PDZD2: variants seen among roughly 807,000 people sequenced by gnomAD.
The protein encoded by PDZD2 is PDZ domain-containing protein 2.
Under a neutral mutation model 220.7 loss-of-function variants are expected in PDZD2, and 90 were observed. The observed-to-expected ratio is 0.41, with a 90% CI of 0.34 to 0.49. The LOEUF (loss-of-function observed/expected upper bound fraction) is 0.49. Among genes scored for constraint, PDZD2 ranks in the 20% least tolerant of loss-of-function variants. The pLI is 0.28. For missense variants in PDZD2, 3,174 were observed against 3,608.5 expected (o/e 0.88, Z 3.08); for synonymous variants, 1,375 against 1,450.5 (o/e 0.95, Z 1.18).
chr5:31,949,109 A>G (rs1158726252), intron 2 of PDZD2, among the ~76,000 whole-genome samples: 2 of 150,774 alleles, frequency 1.3e-5, no homozygotes, highest in African/African-American at 4.9e-5. Flanking sequence ...AAAAAAAAAA[A>G]AAAAAAAAAA....
chr5:31,945,723 C>G (rs947449768), intron 2 of PDZD2, among the ~76,000 whole-genome samples: 31 of 152,056 alleles, frequency 2.0e-4, no homozygotes, highest in African/African-American at 7.2e-4. Flanking sequence ...GAGACCACAT[C>G]GTCTTCCCTG....
At chr5:31,914,663 A>T (rs1743522452) in intron 2 of PDZD2, among the ~76,000 whole-genome samples, 1 of 152,250 alleles carries the variant, frequency 6.6e-6, no homozygotes, top group Non-Finnish European at 1.5e-5. Flanking sequence ...GAGAAAGGGT[A>T]CTCCAATGAA....
chr5:31,932,540 C>T (rs769968396), intron 2 of PDZD2, among the ~76,000 whole-genome samples: 40 of 119,510 alleles, frequency 3.3e-4, no homozygotes, highest in Non-Finnish European at 6.6e-4. Flanking sequence ...CAGAGCAAGA[C>T]TCTGCCTCAA....
intron 20 of PDZD2, 30 bp from the exon 21 acceptor site, chr5:32,092,877 A>G (rs1399366477): frequency 8.9e-7 from 1 of 1,124,560 alleles, no homozygotes; most frequent in Non-Finnish European, 1.3e-6. Context: ...TTTTTCTTTA[A>G]TGTTCTTCAA....
At chr5:31,935,902 T>G (rs1745677880) in intron 2 of PDZD2, among the ~76,000 whole-genome samples, 1 of 152,204 alleles carries the variant, frequency 6.6e-6, no homozygotes, top group Non-Finnish European at 1.5e-5. Context: ...TGCAGATACC[T>G]GCAGGAGGAA....
chr5:31,772,935 C>T (rs1344768360), intron 1 of PDZD2, among the ~76,000 whole-genome samples: 4 of 152,180 alleles, frequency 2.6e-5, no homozygotes, highest in Non-Finnish European at 5.9e-5. Flanking sequence ...TCACTGTCTG[C>T]TTGAGAAGGT....
intron 2 of PDZD2, among the ~76,000 whole-genome samples, chr5:31,906,847 A>G (rs1742703880): frequency 6.6e-6 from 1 of 152,148 alleles, no homozygotes. Flanking sequence ...TGTCTCAAAA[A>G]AAAGAAAAAA....
At chr5:32,101,329 C>A in intron 24 of PDZD2, 90 bp downstream of exon 24, 1 of 1,185,646 alleles carries the variant, frequency 8.4e-7, no homozygotes, top group Non-Finnish European at 1.2e-6. Flanking sequence ...ATTTAGAAAT[C>A]AAAAAACCTA....
intron 1 of PDZD2, among the ~76,000 whole-genome samples, chr5:31,722,933 C>G (rs1727284974): frequency 6.6e-6 from 1 of 152,116 alleles, no homozygotes. Context: ...GGTGATCCAC[C>G]CTCCTCAACC....
chr5:31,993,221 T>C (rs1361875528), intron 3 of PDZD2, among the ~76,000 whole-genome samples: 3 of 152,004 alleles, frequency 2.0e-5, no homozygotes, highest in East Asian at 1.9e-4. Context: ...TTGGATGAAA[T>C]AGAGATCATT....
At chr5:31,979,101 C>T (rs1473550449) in intron 2 of PDZD2, among the ~76,000 whole-genome samples, 1 of 152,198 alleles carries the variant, frequency 6.6e-6, no homozygotes. Context: ...ATAGGCCAGA[C>T]TTTTTGGTAC....
At chr5:31,901,084 C>T (rs1227452212) in intron 2 of PDZD2, among the ~76,000 whole-genome samples, 3 of 152,058 alleles carry the variant, frequency 2.0e-5, no homozygotes, top group African/African-American at 7.2e-5. Flanking sequence ...TTATACTTGC[C>T]AAGCATTTTA....
intron 2 of PDZD2, chr5:31,854,912 A>AG (rs1156263059): frequency 6.6e-6 from 6 of 915,236 alleles, no homozygotes; most frequent in Non-Finnish European, 7.8e-6. Flanking sequence ...GCGCGGAGGG[A>AG]GGAGGGGGGG....
intron 2 of PDZD2, among the ~76,000 whole-genome samples, chr5:31,976,446 A>C (rs1749770231): frequency 6.6e-6 from 1 of 152,180 alleles, no homozygotes; most frequent in Non-Finnish European, 1.5e-5. Context: ...TGTGTCCAAC[A>C]AGGTGACTAT....
intron 2 of PDZD2, among the ~76,000 whole-genome samples, chr5:31,920,402 C>CA (rs869281146): frequency 7.3e-6 from 1 of 137,172 alleles, no homozygotes; most frequent in Non-Finnish European, 1.6e-5. Context: ...CCCCCCCCCC[C>CA]ACTGGGGTGG....
intron 1 of PDZD2, among the ~76,000 whole-genome samples, chr5:31,793,512 A>G (rs1313624855): frequency 2.0e-5 from 3 of 152,142 alleles, no homozygotes; most frequent in Admixed American, 2.0e-4. Flanking sequence ...ATGCACTAGA[A>G]AAGCTTTATA....
In PDZD2 at chr5:32,086,868, T is replaced by C. The variant is rs865920773; in HGVS notation, c.3683-263T>C. The stretch of plus-strand genomic sequence containing the variant: ...ATTTTTTTTTTTTTTTTTTTTTTTT[T>C]AGTAGAGATGGGGTTTCACCATGTT... On this transcript the variant is annotated intron_variant, in intron 19 of 24. Transcript: ENST00000438447. Among the ~76,000 whole-genome samples the C allele has an allele frequency of 1.0e-4, 11 of 109,726 alleles. No individual in the cohort carries two copies. The South Asian group carries it at 2.6e-3, about 26-fold the overall frequency. 72.0% of individuals were successfully genotyped at this position (109,726 alleles called of 152,430 possible).
At chr5:31,779,820 T>A (rs1752954856) in intron 1 of PDZD2, among the ~76,000 whole-genome samples, 1 of 152,142 alleles carries the variant, frequency 6.6e-6, no homozygotes, top group South Asian at 2.1e-4. Flanking sequence ...TGTTCTCATC[T>A]CCTTGGCAGC....
intron 2 of PDZD2, among the ~76,000 whole-genome samples, chr5:31,968,698 G>A (rs1748992316): frequency 6.6e-6 from 1 of 151,980 alleles, no homozygotes; most frequent in African/African-American, 2.4e-5. Context: ...AGACTCCAGA[G>A]AGCTCCTTTA....
Sources: allele counts gnomAD v4.1 joint callset (sites outside exome capture counted in the v4.1 genomes callset), GRCh38; gene constraint gnomAD v4.1.1; transcripts MANE v1.5; gene names NCBI Gene and HGNC (gene_info 2026-07-23, HGNC 2026-07-21).